The following SPAG9 variants were observed in gnomAD, a reference collection of about 807,000 sequenced individuals.
SPAG9 encodes sperm associated antigen 9.
SPAG9 carries 35 observed loss-of-function variants against 166.5 expected under a neutral mutation model. The ratio of observed to expected loss-of-function variants is 0.21; its 90% confidence interval spans 0.16 to 0.28. SPAG9 has a LOEUF of 0.28. Ranked by LOEUF, SPAG9 falls within the 10% of genes least tolerant of loss-of-function variation. The pLI is 1.00. For synonymous variants in SPAG9, 534 were observed against 565.5 expected (o/e 0.94, Z 0.79); for missense variants, 1,235 against 1,603.3 (o/e 0.77, Z 3.92).
intron 1 of SPAG9, among the ~76,000 whole-genome samples, chr17:51,098,491 C>T (rs1003420194): frequency 6.6e-6 from 1 of 151,800 alleles, no homozygotes; most frequent in African/African-American, 2.4e-5. Flanking sequence ...TGGGTTTTTA[C>T]TTATTTATTT....
chr17:51,023,523 G>C (rs1452087494), intron 6 of SPAG9, among the ~76,000 whole-genome samples: 2 of 151,850 alleles, frequency 1.3e-5, no homozygotes, highest in African/African-American at 2.4e-5. Flanking sequence ...AATTGGTTAA[G>C]AAATAAATTT....
In SPAG9 at chr17:50,993,894, A is replaced by G. The variant is rs1233024635; in HGVS notation, c.2268T>C (p.Ser756=). The G allele has an allele frequency of 1.9e-5, 31 of 1,614,152 alleles. No homozygotes were observed. Among genetic ancestry groups the G allele is most frequent in the Non-Finnish European group, 2.6e-5 (31 of 1,180,012 alleles). The change falls in exon 19 of 30, where the codon AGT becomes AGC. Residue 756 remains serine, a synonymous_variant. Coordinates refer to ENST00000262013, the MANE Select transcript of SPAG9 (RefSeq NM_001130528.3). ...GAGTGCTGGTACAGATCCAAACTAG[A>G]CTGGATAATTCTTCTTGATTTTTTA... ...KELKNQEELS[S]LVWICTSTHS...
chr17:51,074,471 C>G (rs2047911942), intron 2 of SPAG9, among the ~76,000 whole-genome samples: 1 of 152,178 alleles, frequency 6.6e-6, no homozygotes, highest in Non-Finnish European at 1.5e-5. Context: ...CTTCGTGCAT[C>G]TGAACGGTCA....
chr17:51,076,961 T>A (rs1264723211), intron 2 of SPAG9, among the ~76,000 whole-genome samples: 2 of 149,952 alleles, frequency 1.3e-5, no homozygotes, highest in East Asian at 4.2e-4. Context: ...CATAATGAGA[T>A]CTTGTCTCTA....
intron 1 of SPAG9, among the ~76,000 whole-genome samples, chr17:51,101,043 C>A (rs1001767357): frequency 6.6e-6 from 1 of 152,002 alleles, no homozygotes; most frequent in Non-Finnish European, 1.5e-5. Flanking sequence ...AGGCAATCGT[C>A]TTTTTAAAAG....
rs1491529465 is a variant in SPAG9 at position 51,053,854 on chromosome 17, A to AATATAT, written c.495+2557_495+2558insATATAT. 1.5e-3 allele frequency among the ~76,000 whole-genome samples: 53 copies of AATATAT among 34,436 alleles called. 1 individual carries two copies. The highest frequency in any genetic ancestry group is 3.7e-3 in the African/African-American group (23 of 6,234). The allele number at this position is 34,436 out of a possible 152,430, so 22.6% of individuals were successfully genotyped here. On this transcript the variant is annotated intron_variant, in intron 3 of 29. Coordinates refer to ENST00000262013, the MANE Select transcript of SPAG9 (RefSeq NM_001130528.3). Reference sequence around the variant, plus strand: ...CCCTAATTAAAAAAAAAAAAAAAAAAGTATATATATATATATATATATATA... The same window carrying AATATAT: ...CCCTAATTAAAAAAAAAAAAAAAAAAATATATGTATATATATATATATATATATATA...
At chr17:51,106,048 T>G (rs1234435204) in intron 1 of SPAG9, among the ~76,000 whole-genome samples, 2 of 148,842 alleles carry the variant, frequency 1.3e-5, no homozygotes, top group Admixed American at 6.8e-5. Flanking sequence ...GAGGATCACT[T>G]GAGGCCAGGA....
chr17:51,071,585 C>G (rs2047821128), intron 2 of SPAG9, among the ~76,000 whole-genome samples: 1 of 152,048 alleles, frequency 6.6e-6, no homozygotes, highest in Non-Finnish European at 1.5e-5. Context: ...TCAAACATGA[C>G]CAAAAATTGT....
chr17:50,990,250 G>C, intron 20 of SPAG9, 200 bp downstream of exon 20: 1 of 565,624 alleles, frequency 1.8e-6, no homozygotes, highest in Non-Finnish European at 3.2e-6. Flanking sequence ...GGATGGTCTT[G>C]ATCTCCTGAC....
At chr17:51,108,110 G>T (rs1419003555) in intron 1 of SPAG9, among the ~76,000 whole-genome samples, 3 of 151,628 alleles carry the variant, frequency 2.0e-5, no homozygotes, top group African/African-American at 7.3e-5. Flanking sequence ...AGATGGCCAT[G>T]GGGCGGTGGC....
rs955613110 is a variant in SPAG9, at chr17:50,976,126, G to GT, written c.3523+981dup. Among the ~76,000 whole-genome samples the GT allele has an allele frequency of 4.1e-3, 612 of 149,140 alleles. 4 individuals carry two copies. Among genetic ancestry groups the GT allele is most frequent in the African/African-American group, 0.013 (537 of 40,666 alleles). ...GAAAAAGGAAAATCTGATTTATGGT[G>GT]TTTTTTTTTTAAATAATAAAGCAAT... is the stretch of plus-strand genomic sequence containing the variant. On this transcript the variant is annotated intron_variant, in intron 27 of 29. Transcript: ENST00000262013.
chr17:50,980,878 T>G (rs894117002), intron 25 of SPAG9, among the ~76,000 whole-genome samples: 1 of 152,122 alleles, frequency 6.6e-6, no homozygotes. Flanking sequence ...GGTGTGTGCC[T>G]GTGATCTCAG....
At chr17:51,112,051 AT>A (rs1568099170) in intron 1 of SPAG9, among the ~76,000 whole-genome samples, 1 of 150,786 alleles carries the variant, frequency 6.6e-6, no homozygotes, top group South Asian at 2.1e-4. Context: ...TTAAAAAAAA[AT>A]GTCTTAGGAG....
rs368773720 is a variant in SPAG9 at position 51,067,079 on chromosome 17, T to C, written c.425-10597A>G. The stretch of plus-strand genomic sequence containing the variant: ...ATTTTATTATTATCTTTGTAGGTAC[T>C]TACAATATAAATCATGTAACATAAA... On this transcript the variant is annotated intron_variant, in intron 2 of 29. Transcript: ENST00000262013. Among the ~76,000 whole-genome samples the C allele has an allele frequency of 2.2e-3, 330 of 152,292 alleles. 1 individual carries two copies. Among genetic ancestry groups the C allele is most frequent in the African/African-American group, 7.7e-3 (319 of 41,538 alleles).
At chr17:50,987,645 A>G (rs1316471568) in intron 21 of SPAG9, among the ~76,000 whole-genome samples, 3 of 152,244 alleles carry the variant, frequency 2.0e-5, no homozygotes, top group African/African-American at 7.2e-5. Flanking sequence ...AGAAAAGATA[A>G]TAAGACATGG....
chr17:51,044,435 T>A (rs2046949632), intron 4 of SPAG9, among the ~76,000 whole-genome samples: 1 of 152,208 alleles, frequency 6.6e-6, no homozygotes, highest in Non-Finnish European at 1.5e-5. Flanking sequence ...TTGCCCTACT[T>A]CCATATATCC....
intron 2 of SPAG9, among the ~76,000 whole-genome samples, chr17:51,057,380 AG>A (rs1298238506): frequency 6.6e-6 from 1 of 152,198 alleles, no homozygotes; most frequent in Non-Finnish European, 1.5e-5. Flanking sequence ...GGAAAGCCTT[AG>A]CATAGTTGAA....
At chr17:51,077,085 G>GCTATCTAGCTAGCTAT (rs1491480521) in intron 2 of SPAG9, among the ~76,000 whole-genome samples, 1 of 109,550 alleles carries the variant, frequency 9.1e-6, no homozygotes, top group African/African-American at 4.5e-5. Context: ...TAGCTATCTA[G>GCTATCTAGCTAGCTAT]CTAGCTATCT....
intron 12 of SPAG9, among the ~76,000 whole-genome samples, chr17:51,004,742 T>A (rs2045124837): frequency 1.3e-5 from 2 of 152,020 alleles, no homozygotes; most frequent in Admixed American, 6.5e-5. Context: ...AAAAAAAGAC[T>A]AGGGGTATGC....
Sources: allele counts gnomAD v4.1 joint callset (sites outside exome capture counted in the v4.1 genomes callset), GRCh38; gene constraint gnomAD v4.1.1; transcripts MANE v1.5; gene names NCBI Gene and HGNC (gene_info 2026-07-23, HGNC 2026-07-21).